The following PLEK variants were observed in gnomAD, a reference collection of about 807,000 sequenced individuals.
The protein encoded by PLEK is pleckstrin.
Under a neutral mutation model 43.9 loss-of-function variants are expected in PLEK, and 25 were observed. That is an observed-to-expected ratio of 0.57 (90% CI 0.41 to 0.79). The LOEUF (loss-of-function observed/expected upper bound fraction) is 0.79. Ranked by LOEUF, PLEK falls within the 30% of genes least tolerant of loss-of-function variation. The probability of loss-of-function intolerance (pLI) is 0.00; values close to 1 mark genes in which losing one functional copy is unlikely to be tolerated. For synonymous variants in PLEK, 152 were observed against 144.4 expected (o/e 1.05, Z -0.38); for missense variants, 396 against 413.3 (o/e 0.96, Z 0.36).
intron 4 of PLEK, among the ~76,000 whole-genome samples, chr2:68,383,365 G>T (rs768648759): frequency 2.4e-4 from 37 of 152,292 alleles, no homozygotes; most frequent in Admixed American, 1.1e-3. Flanking sequence ...AAAAGAGAAA[G>T]AACTCAGGGG....
In PLEK at chr2:68,385,240, T is replaced by A. The variant is rs1030320791; in HGVS notation, c.473-1262T>A. On this transcript the variant is annotated intron_variant, in intron 4 of 8. Coordinates refer to ENST00000234313, the MANE Select transcript of PLEK (RefSeq NM_002664.3). ...TAACTAGTGTATCCATCACCTCAAA[T>A]ATCTATCTTTTTTTGTTGTAAGAAC... 3.3e-4 allele frequency among the ~76,000 whole-genome samples: 50 copies of A among 152,218 alleles called. 1 individual carries two copies. Among genetic ancestry groups the A allele is most frequent in the Non-Finnish European group, 1.5e-5 (1 of 68,028 alleles).
At chr2:68,395,516 A>G (rs1303370494) in intron 8 of PLEK, among the ~76,000 whole-genome samples, 164 bp from the exon 9 acceptor site, 1 of 152,178 alleles carries the variant, frequency 6.6e-6, no homozygotes, top group Non-Finnish European at 1.5e-5. Flanking sequence ...ATAACTGTGC[A>G]ATGAATTATC....
intron 1 of PLEK, among the ~76,000 whole-genome samples, chr2:68,369,596 T>G (rs957910920): frequency 6.6e-6 from 1 of 152,000 alleles, no homozygotes; most frequent in Non-Finnish European, 1.5e-5. Context: ...TTTTACCTGT[T>G]TCTATGGTCG....
At chr2:68,393,631 G>A (rs1270680609) in intron 7 of PLEK, among the ~76,000 whole-genome samples, 1 of 152,184 alleles carries the variant, frequency 6.6e-6, no homozygotes. Context: ...AATTTGGGCT[G>A]TTGATTGTCG....
At chr2:68,366,656 C>T (rs978730214) in intron 1 of PLEK, among the ~76,000 whole-genome samples, 1 of 152,172 alleles carries the variant, frequency 6.6e-6, no homozygotes, top group East Asian at 1.9e-4. Context: ...CCCTCAGCTG[C>T]TAATCTCTGT....
chr2:68,376,153 G>A (rs576897237), intron 1 of PLEK, among the ~76,000 whole-genome samples: 9 of 152,110 alleles, frequency 5.9e-5, no homozygotes, highest in African/African-American at 2.2e-4. Flanking sequence ...ACGGCTGTTG[G>A]ATCACAACAC....
intron 5 of PLEK, among the ~76,000 whole-genome samples, chr2:68,387,584 A>G (rs1673772279): frequency 6.6e-6 from 1 of 152,182 alleles, no homozygotes. Context: ...GAAACACTAT[A>G]TTATACAATG....
At chr2:68,379,506 A>C (rs1217354223) in intron 1 of PLEK, among the ~76,000 whole-genome samples, 1 of 151,912 alleles carries the variant, frequency 6.6e-6, no homozygotes, top group African/African-American at 2.4e-5. Flanking sequence ...ATAAATAAAG[A>C]CTTCAAAAAA....
At chr2:68,393,331 G>A (rs2289688) in intron 7 of PLEK, 86 bp downstream of exon 7, 287,457 of 887,722 alleles carry the variant, frequency 0.32, 53,005 homozygotes, top group East Asian at 0.68. Flanking sequence ...TCTCTACTCT[G>A]TTGATATCCC....
At chr2:68,384,452 C>A (rs1032356567) in intron 4 of PLEK, among the ~76,000 whole-genome samples, 1 of 152,020 alleles carries the variant, frequency 6.6e-6, no homozygotes, top group Non-Finnish European at 1.5e-5. Flanking sequence ...CTCAAACTTC[C>A]AACCTCAGGT....
chr2:68,394,901 A>C (rs1673935730), intron 8 of PLEK, among the ~76,000 whole-genome samples: 1 of 152,198 alleles, frequency 6.6e-6, no homozygotes, highest in Non-Finnish European at 1.5e-5. Context: ...AGTATGATAA[A>C]GGCTGACAGG....
In PLEK at chr2:68,380,852, G is replaced by T. The variant is rs147263237; in HGVS notation, c.328G>T (p.Ala110Ser). The change falls in exon 3 of 9, where the codon GCC (alanine) becomes TCC (serine). Residue 110 changes from alanine to serine, a missense_variant. Physicochemically the swap from Ala to Ser is moderately conservative, Grantham distance 99. Coordinates refer to ENST00000234313, the MANE Select transcript of PLEK (RefSeq NM_002664.3). ...ATGCATTGAAGGAGGCCAGAAATTTGCCAGGAAATCTACCAGGAGGTCCAT... is the reference window on the plus strand; with the variant it reads ...ATGCATTGAAGGAGGCCAGAAATTTTCCAGGAAATCTACCAGGAGGTCCAT... ...IKCIEGGQKF[A>S]RKSTRRSIRL... The T allele has an allele frequency of 2.5e-4, 397 of 1,613,884 alleles. No homozygotes were observed. The highest frequency in any genetic ancestry group is 3.1e-4 in the Non-Finnish European group (363 of 1,179,934).
At chr2:68,388,252 A>G in intron 5 of PLEK, 135 bp from the exon 6 acceptor site, 1 of 606,226 alleles carries the variant, frequency 1.6e-6, no homozygotes, top group Non-Finnish European at 3.0e-6. Flanking sequence ...TGAAGTTCAG[A>G]TTGGGATGTA....
intron 4 of PLEK, among the ~76,000 whole-genome samples, chr2:68,383,541 G>A (rs913417231): frequency 6.6e-6 from 1 of 151,868 alleles, no homozygotes; most frequent in Non-Finnish European, 1.5e-5. Context: ...CAGAGGATGA[G>A]CAGAGGATGG....
At position 68,365,400 on chromosome 2, in the gene PLEK, G is replaced by A. The variant is rs201338130; in HGVS notation, c.42+7G>A. On this transcript the variant is annotated splice_region_variant and intron_variant, in intron 1 of 8. Coordinates refer to ENST00000234313, the MANE Select transcript of PLEK (RefSeq NM_002664.3). ...GGGCTACCTTGTGAAGAAGGTGAGC[G>A]AAGGTGCCACTTACCAGGGTGTCAG... 241 of 1,612,360 alleles carry A rather than the reference G, an allele frequency of 1.5e-4. No homozygotes were observed. The Middle Eastern group carries it at 2.0e-3, about 13-fold the overall frequency.
intron 3 of PLEK, among the ~76,000 whole-genome samples, chr2:68,381,811 A>G (rs186474098): frequency 8.5e-5 from 13 of 152,232 alleles, no homozygotes; most frequent in African/African-American, 2.4e-4. Flanking sequence ...GCTTTTTGGC[A>G]AAGAGCTCCA....
chr2:68,380,713 T>G lies in PLEK; in HGVS notation c.199-10T>G. 6.2e-7 allele frequency: 1 copy of G among 1,612,158 alleles called. No individual in the cohort carries two copies. Among genetic ancestry groups the G allele is most frequent in the Non-Finnish European group, 8.5e-7 (1 of 1,179,068 alleles). On this transcript the variant is annotated splice_polypyrimidine_tract_variant and intron_variant, in intron 2 of 8. Coordinates refer to ENST00000234313, the MANE Select transcript of PLEK (RefSeq NM_002664.3). Reference sequence around the variant, plus strand: ...AAGCCATTTCTAATGGGATGTGTTTTGATTTTCAGTTTGTGTTTAAGATCA... The same window carrying G: ...AAGCCATTTCTAATGGGATGTGTTTGGATTTTCAGTTTGTGTTTAAGATCA...
intron 1 of PLEK, among the ~76,000 whole-genome samples, chr2:68,375,975 T>C (rs1673493314): frequency 6.6e-6 from 1 of 152,224 alleles, no homozygotes; most frequent in South Asian, 2.1e-4. Context: ...TCTGGCATTA[T>C]AGACCTTTTG....
chr2:68,391,128 G>T lies in PLEK; in HGVS notation c.763-2034G>T, dbSNP rs61274532. ...CAGTAACAATTCTTGGAAACCTGAG[G>T]CATACATGCATTTCTTAATACTCCT... On this transcript the variant is annotated intron_variant, in intron 6 of 8. Coordinates refer to ENST00000234313, the MANE Select transcript of PLEK (RefSeq NM_002664.3). Among the ~76,000 whole-genome samples, 633 of 152,242 alleles carry T rather than the reference G, an allele frequency of 4.2e-3. 1 individual carries two copies. Among genetic ancestry groups the T allele is most frequent in the African/African-American group, 0.014 (602 of 41,532 alleles).
Sources: gnomAD v4.1 joint callset for allele counts (sites outside exome capture counted in the v4.1 genomes callset) on GRCh38, gnomAD v4.1.1 for gene constraint, MANE v1.5 for transcripts, NCBI Gene and HGNC (gene_info 2026-07-23, HGNC 2026-07-21) for gene names.